Variants in ROR2 observed in about 807,000 individuals in gnomAD.
ROR2 encodes ROR family WNT receptor 2.
ROR2 carries 33 observed loss-of-function variants against 74.9 expected under a neutral mutation model. The ratio of observed to expected loss-of-function variants is 0.44; its 90% CI spans 0.33 to 0.59. ROR2 has a LOEUF of 0.59. Ranked by LOEUF, ROR2 falls within the 20% of genes least tolerant of loss-of-function variation. The probability of loss-of-function intolerance (pLI) is 0.02; values close to 1 mark genes in which losing one functional copy is unlikely to be tolerated. For missense variants in ROR2, 1,216 were observed against 1,313.8 expected, an observed-to-expected ratio of 0.93 and a Z score of 1.15; for synonymous variants, 586 against 558.7, an observed-to-expected ratio of 1.05 and a Z score of -0.69.
rs551567547 is a variant in ROR2, at chr9:91,851,266, C to A, written c.98-75448G>T. On this transcript the variant is annotated intron_variant, in intron 1 of 8. Transcript: ENST00000375708. ...ACTCAGGAGGCTGAGGCAGGAGAAT[C>A]GCTTGAACCCGGGAGGTGGAGCTAG... 1.5e-3 allele frequency among the ~76,000 whole-genome samples: 234 copies of A among 151,386 alleles called. 1 individual carries two copies. Among genetic ancestry groups the A allele is most frequent in the Non-Finnish European group, 2.6e-3 (178 of 67,890 alleles).
chr9:91,873,725 C>T lies in ROR2; in HGVS notation c.97+76142G>A, dbSNP rs190994187. On this transcript the variant is annotated intron_variant, in intron 1 of 8. Coordinates refer to ENST00000375708, the MANE Select transcript of ROR2 (RefSeq NM_004560.4). ...ACCACCTCCACTGGAACACACTGTA[C>T]CCAGCCCAGCAATATATATAGCTGT... Among the ~76,000 whole-genome samples the T allele has an allele frequency of 5.9e-5, 9 of 152,302 alleles. No individual in the cohort carries two copies. The East Asian group carries it at 1.7e-3, about 29-fold the overall frequency.
chr9:91,738,456 A>G (rs555603387), intron 4 of ROR2, among the ~76,000 whole-genome samples: 17 of 152,312 alleles, frequency 1.1e-4, no homozygotes, highest in African/African-American at 4.1e-4. Flanking sequence ...CCAGAACATC[A>G]GGCACGTGTT....
intron 1 of ROR2, among the ~76,000 whole-genome samples, chr9:91,858,882 T>C (rs1187118544): frequency 6.6e-6 from 1 of 152,078 alleles, no homozygotes; most frequent in Non-Finnish European, 1.5e-5. Context: ...CCCAAGATCA[T>C]GCAGCTATGG....
intron 1 of ROR2, among the ~76,000 whole-genome samples, chr9:91,856,861 A>G (rs1476118505): frequency 6.6e-6 from 1 of 152,224 alleles, no homozygotes; most frequent in Non-Finnish European, 1.5e-5. Context: ...TCAAGCTCAT[A>G]GAGTCCCCAC....
At chr9:91,934,983 G>A (rs1189735282) in intron 1 of ROR2, among the ~76,000 whole-genome samples, 1 of 152,102 alleles carries the variant, frequency 6.6e-6, no homozygotes, top group African/African-American at 2.4e-5. Flanking sequence ...TGTCAAGAAA[G>A]CTGGTTGAAT....
At chr9:91,836,130 C>A (rs1228436502) in intron 1 of ROR2, among the ~76,000 whole-genome samples, 1 of 152,166 alleles carries the variant, frequency 6.6e-6, no homozygotes, top group Non-Finnish European at 1.5e-5. Flanking sequence ...TCTCTGTGGC[C>A]TCCTTCTTTC....
intron 2 of ROR2, among the ~76,000 whole-genome samples, chr9:91,761,905 C>T (rs894854709): frequency 6.6e-6 from 1 of 152,180 alleles, no homozygotes; most frequent in Non-Finnish European, 1.5e-5. Flanking sequence ...CACATAGCTA[C>T]CTTTCTTCCC....
At chr9:91,782,637 T>G (rs1031532390) in intron 1 of ROR2, among the ~76,000 whole-genome samples, 44 of 147,026 alleles carry the variant, frequency 3.0e-4, no homozygotes, top group African/African-American at 1.0e-3. Flanking sequence ...AGAAGTTGTG[T>G]TGGGCTGCAT....
At chr9:91,939,132 C>A (rs1831779894) in intron 1 of ROR2, among the ~76,000 whole-genome samples, 1 of 152,106 alleles carries the variant, frequency 6.6e-6, no homozygotes. Context: ...TGCCTGTAGT[C>A]CCAGCTACTC....
At chr9:91,833,072 C>A (rs1828512194) in intron 1 of ROR2, among the ~76,000 whole-genome samples, 1 of 152,136 alleles carries the variant, frequency 6.6e-6, no homozygotes, top group Non-Finnish European at 1.5e-5. Flanking sequence ...GCAACACCCC[C>A]AAAGAGGGAC....
chr9:91,783,617 G>A (rs1347946337), intron 1 of ROR2, among the ~76,000 whole-genome samples: 2 of 144,626 alleles, frequency 1.4e-5, no homozygotes, highest in South Asian at 2.2e-4. Flanking sequence ...CTGCAGCCCC[G>A]CCCTAGGCCT....
chr9:91,733,501 C>G lies in ROR2; in HGVS notation c.623-65G>C. 1 of 1,510,852 alleles carries G rather than the reference C, an allele frequency of 6.6e-7. No homozygotes were observed. Among genetic ancestry groups the G allele is most frequent in the South Asian group, 1.2e-5 (1 of 81,786 alleles). 93.6% of individuals were successfully genotyped at this position (1,510,852 alleles called of 1,614,324 possible). A position where few individuals can be genotyped will look rare whatever the true frequency, so the allele number is the denominator to read the frequency against. On this transcript the variant is annotated intron_variant, in intron 5 of 8. Coordinates refer to ENST00000375708, the MANE Select transcript of ROR2 (RefSeq NM_004560.4). This position sits in a 1 kb window ranked among gnomAD's most constrained non-coding sequence, Gnocchi z 5.7. ...CTTGCGCCCTTGACATTCATCCAGT[C>G]CCCACCCCCAGCCTGGCATCCCAGA...
intron 1 of ROR2, among the ~76,000 whole-genome samples, chr9:91,889,517 C>T (rs1830373017): frequency 6.6e-6 from 1 of 152,208 alleles, no homozygotes; most frequent in Admixed American, 6.5e-5. Context: ...TGCTGACCCT[C>T]TCTGTGTGGA....
At chr9:91,735,752 G>T (rs1239247361) in intron 5 of ROR2, among the ~76,000 whole-genome samples, 2 of 151,272 alleles carry the variant, frequency 1.3e-5, no homozygotes, top group Admixed American at 1.3e-4. Context: ...AAGTAGCTGG[G>T]ATTACAGGCA....
At chr9:91,814,102 C>A (rs1270866829) in intron 1 of ROR2, among the ~76,000 whole-genome samples, 1 of 152,148 alleles carries the variant, frequency 6.6e-6, no homozygotes, top group Admixed American at 6.5e-5. Context: ...GCAAGAGGAT[C>A]GCTTGAGGCT....
At chr9:91,945,258 T>C (rs898738691) in intron 1 of ROR2, among the ~76,000 whole-genome samples, 1 of 152,204 alleles carries the variant, frequency 6.6e-6, no homozygotes, top group Non-Finnish European at 1.5e-5. Context: ...TTTTAACTTA[T>C]ATAGCTGTGT....
intron 1 of ROR2, among the ~76,000 whole-genome samples, chr9:91,893,254 T>C (rs1226946532): frequency 1.3e-5 from 2 of 152,144 alleles, no homozygotes; most frequent in East Asian, 1.9e-4. Flanking sequence ...CCTAGCACTT[T>C]GGGAGGCCAA....
intron 5 of ROR2, among the ~76,000 whole-genome samples, chr9:91,736,922 C>T (rs945626246): frequency 1.4e-4 from 22 of 152,124 alleles, no homozygotes; most frequent in African/African-American, 5.3e-4. Context: ...TGATGACCCG[C>T]GACTCTTTCC....
chr9:91,731,449 C>T (rs1015947439), intron 6 of ROR2, among the ~76,000 whole-genome samples: 2 of 152,142 alleles, frequency 1.3e-5, no homozygotes, highest in African/African-American at 4.8e-5. Context: ...GGGATGTCTC[C>T]CCAGCCTCAG....
Sources: gnomAD v4.1 joint callset for allele counts (sites outside exome capture counted in the v4.1 genomes callset) on GRCh38, gnomAD v4.1.1 for gene constraint, Gnocchi (gnomAD v3.1) non-coding constraint, MANE v1.5 for transcripts, NCBI Gene and HGNC (gene_info 2026-07-23, HGNC 2026-07-21) for gene names.